The following FRMD3 variants were observed in gnomAD, a reference collection of about 807,000 sequenced individuals.
FRMD3 encodes FERM domain containing 3.
In FRMD3, 33 loss-of-function variants were observed where a neutral mutation model predicts 70.2. The ratio of observed to expected loss-of-function variants is 0.47; its 90% CI spans 0.36 to 0.63. FRMD3 has a LOEUF of 0.63. FRMD3 is among the 20% of genes least tolerant of loss of function. The pLI, the probability that FRMD3 is intolerant of heterozygous loss-of-function variation, is 0.00. For missense variants in FRMD3, 632 were observed against 711.4 expected (o/e 0.89, Z 1.27); for synonymous variants, 279 against 255.9 (o/e 1.09, Z -0.86).
chr9:83,277,682 A>G (rs1328131777), intron 13 of FRMD3, among the ~76,000 whole-genome samples: 2 of 152,186 alleles, frequency 1.3e-5, no homozygotes, highest in Admixed American at 1.3e-4. Context: ...TTGATTTCAC[A>G]CTAAAAAACA....
intron 12 of FRMD3, among the ~76,000 whole-genome samples, chr9:83,294,341 C>T (rs1026443994): frequency 6.6e-6 from 1 of 152,018 alleles, no homozygotes; most frequent in Non-Finnish European, 1.5e-5. Context: ...TATAAGCCAC[C>T]CTGGTCTATG....
intron 1 of FRMD3, among the ~76,000 whole-genome samples, chr9:83,472,310 A>G (rs990798990): frequency 6.6e-6 from 1 of 152,222 alleles, no homozygotes; most frequent in African/African-American, 2.4e-5. Context: ...TAAAACCTGC[A>G]GCATTTCTCA....
intron 1 of FRMD3, among the ~76,000 whole-genome samples, chr9:83,459,239 T>C (rs11140104): frequency 0.16 from 24,213 of 152,070 alleles, 1,969 homozygotes; most frequent in East Asian, 0.2. Context: ...TGACACTCCC[T>C]AGAACTCTGG....
intron 1 of FRMD3, among the ~76,000 whole-genome samples, chr9:83,437,972 G>A (rs758970958): frequency 2.0e-4 from 30 of 152,156 alleles, no homozygotes; most frequent in Non-Finnish European, 3.4e-4. Context: ...GTGAGGGCAC[G>A]TGCGGGAAAC....
Position 83,538,286 on chromosome 9 carries a change from T to A in FRMD3, c.-55A>T. ...GCTCAGGGCCGGCGCGGTGCTCGCC[T>A]GCGCGGACACACACGCTCGCACGCA... On this transcript the variant is annotated 5_prime_UTR_variant, in exon 1 of 14. Transcript: ENST00000304195. The surrounding 1 kb of genome is among the most constrained non-coding windows in gnomAD (Gnocchi z 4.7). 6.6e-7 allele frequency: 1 copy of A among 1,514,442 alleles called. No individual in the cohort carries two copies. Among genetic ancestry groups the A allele is most frequent in the Non-Finnish European group, 8.9e-7 (1 of 1,127,840 alleles). 93.8% of individuals were successfully genotyped at this position (1,514,442 alleles called of 1,614,324 possible).
chr9:83,351,323 T>TACACACACACACACACACAC (rs56407249), intron 3 of FRMD3, among the ~76,000 whole-genome samples: 4,315 of 143,744 alleles, frequency 0.03, 121 homozygotes, highest in Non-Finnish European at 0.04. Context: ...AAACTGATCA[T>TACACACACACACACACACAC]ACACACACAC....
intron 2 of FRMD3, among the ~76,000 whole-genome samples, chr9:83,378,734 TAC>T (rs1195641609): frequency 8.7e-6 from 1 of 114,664 alleles, no homozygotes; most frequent in African/African-American, 4.0e-5. Context: ...ATAATATATA[TAC>T]TTTATATTAT....
Position 83,538,030 on chromosome 9 carries a change from C to A in FRMD3, c.147+55G>T. 2 of 1,587,062 alleles carry A rather than the reference C, an allele frequency of 1.3e-6. No homozygotes were observed. The highest frequency in any genetic ancestry group is 2.3e-5 in the South Asian group (2 of 88,576). Reference sequence around the variant, plus strand: ...TGTTCTCGCATGCCCACCGCAAAGGCCCCCCGCCCTGCTCCCGGCGTGTGC... The same window carrying A: ...TGTTCTCGCATGCCCACCGCAAAGGACCCCCGCCCTGCTCCCGGCGTGTGC... On this transcript the variant is annotated intron_variant, in intron 1 of 13. Transcript: ENST00000304195. The surrounding 1 kb of genome is among the most constrained non-coding windows in gnomAD (Gnocchi z 4.7).
chr9:83,376,872 T>C (rs1032485904), intron 2 of FRMD3, among the ~76,000 whole-genome samples: 1 of 152,172 alleles, frequency 6.6e-6, no homozygotes, highest in African/African-American at 2.4e-5. Context: ...CACATAGAAA[T>C]AGGTGTGCAA....
chr9:83,457,971 GA>G (rs1827868420), intron 1 of FRMD3, among the ~76,000 whole-genome samples: 1 of 47,982 alleles, frequency 2.1e-5, no homozygotes, highest in Admixed American at 2.6e-4. Context: ...AAGTAACCAT[GA>G]AAAAAATAAA....
At chr9:83,256,176 T>G (rs1832698809) in intron 13 of FRMD3, among the ~76,000 whole-genome samples, 1 of 151,918 alleles carries the variant, frequency 6.6e-6, no homozygotes, top group African/African-American at 2.4e-5. Context: ...AACAGACACA[T>G]AGACCAATGG....
At chr9:83,508,727 G>C (rs1385146302) in intron 1 of FRMD3, among the ~76,000 whole-genome samples, 4 of 152,082 alleles carry the variant, frequency 2.6e-5, no homozygotes, top group Admixed American at 6.6e-5. Context: ...CTAATGCAGG[G>C]AGTGACAAAC....
downstream of FRMD3, among the ~76,000 whole-genome samples, chr9:83,243,417 G>T (rs375811544): frequency 3.2e-4 from 49 of 152,320 alleles, no homozygotes; most frequent in East Asian, 1.2e-3. Flanking sequence ...TCTCCAGGGT[G>T]GGAATGTTGG....
At chr9:83,533,101 T>C (rs1480593360) in intron 1 of FRMD3, among the ~76,000 whole-genome samples, 1 of 152,188 alleles carries the variant, frequency 6.6e-6, no homozygotes, top group Non-Finnish European at 1.5e-5. Context: ...ACTCTTTTAC[T>C]TGCAGCCAAA....
chr9:83,548,938 A>T, the FRMD3 span, among the ~76,000 whole-genome samples: 4 of 152,130 alleles, frequency 2.6e-5, no homozygotes, highest in South Asian at 2.1e-4. Flanking sequence ...CAACTAATTG[A>T]TCACAATCTG....
At chr9:83,409,318 G>A (rs958849748) in intron 1 of FRMD3, among the ~76,000 whole-genome samples, 7 of 152,140 alleles carry the variant, frequency 4.6e-5, no homozygotes, top group South Asian at 2.1e-4. Flanking sequence ...CACTCTTCCC[G>A]TCCTTAACTT....
chr9:83,527,585 C>T (rs947648910), intron 1 of FRMD3, among the ~76,000 whole-genome samples: 6 of 152,256 alleles, frequency 3.9e-5, no homozygotes, highest in Admixed American at 3.9e-4. Flanking sequence ...GGTCCACAGA[C>T]CAGCCACACA....
chr9:83,487,893 T>C (rs1285557651), intron 1 of FRMD3, among the ~76,000 whole-genome samples: 2 of 152,192 alleles, frequency 1.3e-5, no homozygotes, highest in East Asian at 3.8e-4. Flanking sequence ...CAAAATATCT[T>C]TAATCAGAAC....
chr9:83,567,351 C>T, the FRMD3 span, among the ~76,000 whole-genome samples: 7 of 152,192 alleles, frequency 4.6e-5, no homozygotes, highest in Non-Finnish European at 8.8e-5. Flanking sequence ...TCCTCCTAGG[C>T]CTCTGGGCCT....
Sources: gnomAD v4.1 joint callset for allele counts (sites outside exome capture counted in the v4.1 genomes callset) on GRCh38, gnomAD v4.1.1 for gene constraint, Gnocchi (gnomAD v3.1) non-coding constraint, MANE v1.5 for transcripts, NCBI Gene and HGNC (gene_info 2026-07-23, HGNC 2026-07-21) for gene names.